The following PMFBP1 variants were observed in gnomAD, a reference collection of about 807,000 sequenced individuals.
PMFBP1 encodes the protein polyamine-modulated factor 1-binding protein 1.
Under a neutral mutation model 137.8 loss-of-function variants are expected in PMFBP1, and 131 were observed. The ratio of observed to expected loss-of-function variants is 0.95; its 90% CI spans 0.82 to 1.10. The LOEUF (loss-of-function observed/expected upper bound fraction) is 1.10. Ranked by LOEUF, PMFBP1 falls within the 50% of genes least tolerant of loss-of-function variation. The pLI, the probability that PMFBP1 is intolerant of heterozygous loss-of-function variation, is 0.00. For missense variants in PMFBP1, 1,199 were observed against 1,175.4 expected (o/e 1.02, Z -0.29); for synonymous variants, 490 against 450.4 (o/e 1.09, Z -1.11).
At chr16:72,127,197 T>C (rs879839727) in intron 14 of PMFBP1, among the ~76,000 whole-genome samples, 4 of 152,226 alleles carry the variant, frequency 2.6e-5, no homozygotes, top group African/African-American at 4.8e-5. Context: ...CAGTAACTGA[T>C]CAGTGCTTCA....
At chr16:72,172,970 A>G (rs1388101929), upstream of PMFBP1, among the ~76,000 whole-genome samples, 2 of 152,226 alleles carry the variant, frequency 1.3e-5, no homozygotes, top group Non-Finnish European at 2.9e-5. Context: ...AACACGAGGT[A>G]TGCCTGTACT....
the PMFBP1 span, among the ~76,000 whole-genome samples, chr16:72,184,567 A>T: frequency 6.6e-6 from 1 of 152,226 alleles, no homozygotes; most frequent in Middle Eastern, 3.2e-3. Flanking sequence ...TTTATTGTAA[A>T]TGAGAAACTA....
chr16:72,126,079 A>T lies in PMFBP1; in HGVS notation c.2142T>A (p.Ala714=). 6.2e-7 allele frequency: 1 copy of T among 1,614,124 alleles called. No individual in the cohort carries two copies. The highest frequency in any genetic ancestry group is 8.5e-7 in the Non-Finnish European group (1 of 1,180,018). ...LMSLQAQLDK[A]LQKEKHYLQT... ...GGAGATAGTGCTTCTCCTTCTGCAG[A>T]GCTTTGTCCAGCTGGGCCTGCAGGC... Residue 714 remains alanine, a synonymous_variant, in exon 15 of 21, where the codon GCT becomes GCA. Coordinates refer to ENST00000237353, the MANE Select transcript of PMFBP1 (RefSeq NM_031293.3).
intron 2 of PMFBP1, among the ~76,000 whole-genome samples, chr16:72,166,005 G>A (rs2043139603): frequency 6.6e-6 from 1 of 152,182 alleles, no homozygotes; most frequent in Admixed American, 6.5e-5. Context: ...GAAGGTGGAA[G>A]AAGTCCTGTG....
intron 7 of PMFBP1, among the ~76,000 whole-genome samples, chr16:72,137,703 T>C (rs746998645): frequency 2.0e-5 from 3 of 152,108 alleles, no homozygotes; most frequent in Admixed American, 6.5e-5. Context: ...TGCAAGACCA[T>C]TGGCTTCTAC....
At chr16:72,171,478 G>A in intron 1 of PMFBP1, 1 of 470,360 alleles carries the variant, frequency 2.1e-6, no homozygotes, top group Non-Finnish European at 3.8e-6. Flanking sequence ...ATCTTTTCCA[G>A]AAAACCACTA....
chr16:72,233,595 C>G, the PMFBP1 span, among the ~76,000 whole-genome samples: 1 of 152,116 alleles, frequency 6.6e-6, no homozygotes, highest in East Asian at 1.9e-4. Context: ...CCACAGAATT[C>G]AACCCTTTAA....
the PMFBP1 span, among the ~76,000 whole-genome samples, chr16:72,205,409 T>C: frequency 6.6e-6 from 1 of 152,150 alleles, no homozygotes; most frequent in South Asian, 2.1e-4. Context: ...ATGAGGACAT[T>C]TGTCCCGCTC....
chr16:72,230,384 T>C, the PMFBP1 span, among the ~76,000 whole-genome samples: 1 of 152,144 alleles, frequency 6.6e-6, no homozygotes. Flanking sequence ...TCTAAGACAC[T>C]TTAAATTATT....
At chr16:72,209,212 G>T in the PMFBP1 span, among the ~76,000 whole-genome samples, 1 of 152,220 alleles carries the variant, frequency 6.6e-6, no homozygotes, top group South Asian at 2.1e-4. Flanking sequence ...GACATGCACA[G>T]CATGCCTGTA....
At position 72,125,389 on chromosome 16, in the gene PMFBP1, G is replaced by A. The variant is rs745408357; in HGVS notation, c.2270C>T (p.Ser757Leu). 1.2e-6 allele frequency: 2 copies of A among 1,609,236 alleles called. No homozygotes were observed. The highest frequency in any genetic ancestry group is 1.7e-6 in the Non-Finnish European group (2 of 1,178,876). Reference sequence around the variant, plus strand: ...GCTTTGCTGCAGGCTCTTTGTCTCTGAGGTCACGTGATTGAGCTTCCGGAA... The same window carrying A: ...GCTTTGCTGCAGGCTCTTTGTCTCTAAGGTCACGTGATTGAGCTTCCGGAA... ...QALEKLNHVT[S>L]ETKSLQQSLT... Residue 757 changes from serine (S) to leucine (L), a missense_variant, in exon 16 of 21, where the codon TCA becomes TTA. Coordinates refer to ENST00000237353, the MANE Select transcript of PMFBP1 (RefSeq NM_031293.3).
At chr16:72,245,431 C>A in the PMFBP1 span, among the ~76,000 whole-genome samples, 9 of 152,276 alleles carry the variant, frequency 5.9e-5, no homozygotes, top group Admixed American at 5.2e-4. Flanking sequence ...ACCCAGATGG[C>A]CTGGCTACAG....
At chr16:72,122,284 C>T (rs1426195732) in intron 19 of PMFBP1, among the ~76,000 whole-genome samples, 3 of 152,200 alleles carry the variant, frequency 2.0e-5, no homozygotes, top group African/African-American at 7.2e-5. Context: ...TGGTTGTTTT[C>T]TAAGTGTTCC....
intron 7 of PMFBP1, among the ~76,000 whole-genome samples, chr16:72,138,471 C>T (rs2042666781): frequency 6.6e-6 from 1 of 152,194 alleles, no homozygotes; most frequent in Non-Finnish European, 1.5e-5. Flanking sequence ...CCTAAGAGGA[C>T]ACCTGGCCAT....
chr16:72,202,610 G>A, the PMFBP1 span, among the ~76,000 whole-genome samples: 1 of 152,170 alleles, frequency 6.6e-6, no homozygotes, highest in Non-Finnish European at 1.5e-5. Flanking sequence ...TAGGAAGTTG[G>A]CACATTATTG....
intron 19 of PMFBP1, among the ~76,000 whole-genome samples, chr16:72,120,369 C>T (rs1439600088): frequency 2.0e-5 from 3 of 152,186 alleles, no homozygotes; most frequent in Non-Finnish European, 4.4e-5. Context: ...ACAGTCAGGC[C>T]TGGCCTGACT....
chr16:72,177,313 T>C (rs977271521), upstream of PMFBP1, among the ~76,000 whole-genome samples: 6 of 152,220 alleles, frequency 3.9e-5, no homozygotes, highest in African/African-American at 1.2e-4. Flanking sequence ...AGCTACTATA[T>C]GCCAGGCAGT....
the PMFBP1 span, among the ~76,000 whole-genome samples, chr16:72,221,652 G>T: frequency 2.6e-5 from 4 of 152,088 alleles, no homozygotes; most frequent in Admixed American, 1.3e-4. Context: ...AAGGATGAAG[G>T]GGGAGAGAAA....
At chr16:72,233,213 T>C in the PMFBP1 span, among the ~76,000 whole-genome samples, 1 of 152,140 alleles carries the variant, frequency 6.6e-6, no homozygotes, top group African/African-American at 2.4e-5. Flanking sequence ...AAATTATATG[T>C]ACACATACCA....
Sources: allele counts gnomAD v4.1 joint callset (sites outside exome capture counted in the v4.1 genomes callset), GRCh38; gene constraint gnomAD v4.1.1; transcripts MANE v1.5; gene names NCBI Gene and HGNC (gene_info 2026-07-23, HGNC 2026-07-21).